ALDH7A1: variants seen among roughly 807,000 people sequenced by gnomAD.
ALDH7A1 encodes the protein aldehyde dehydrogenase 7 family member A1.
Under a neutral mutation model 79.9 loss-of-function variants are expected in ALDH7A1, and 63 were observed. That is an observed-to-expected ratio of 0.79 (90% CI 0.64 to 0.97). ALDH7A1 has a LOEUF of 0.97. Ranked by LOEUF, ALDH7A1 falls within the 50% of genes least tolerant of loss-of-function variation. The pLI, the probability that ALDH7A1 is intolerant of heterozygous loss-of-function variation, is 0.00. For missense variants in ALDH7A1, 627 were observed against 665.2 expected (o/e 0.94, Z 0.63); for synonymous variants, 240 against 231.2 (o/e 1.04, Z -0.34).
intron 11 of ALDH7A1, 123 bp from the exon 12 acceptor site, chr5:126,556,138 T>A (rs1750187937): frequency 3.8e-6 from 2 of 525,720 alleles, no homozygotes; most frequent in Non-Finnish European, 6.3e-6. Context: ...AATCAAAGCA[T>A]GTTTATTTTT....
At chr5:126,564,483 G>T in intron 9 of ALDH7A1, 1 of 1,196,056 alleles carries the variant, frequency 8.4e-7, no homozygotes, top group Non-Finnish European at 1.1e-6. Flanking sequence ...TTTGATCATC[G>T]ATTTCCTTAA....
intron 9 of ALDH7A1, chr5:126,567,787 C>CTT (rs562611077): frequency 1.0e-4 from 12 of 117,568 alleles, no homozygotes; most frequent in Non-Finnish European, 2.0e-4. Context: ...TTTTTTTTTT[C>CTT]TTTTTTTTTT....
intron 9 of ALDH7A1, chr5:126,568,033 T>C (rs922842588): frequency 2.5e-5 from 11 of 446,020 alleles, no homozygotes; most frequent in African/African-American, 1.8e-4. Flanking sequence ...TCCACCTGCC[T>C]TGGCCTCCCA....
intron 4 of ALDH7A1, 74 bp from the exon 5 acceptor site, chr5:126,583,048 G>T: frequency 6.4e-7 from 1 of 1,556,604 alleles, no homozygotes; most frequent in Non-Finnish European, 8.9e-7. Context: ...AAGAAAGGGG[G>T]AAGCAAAACA....
At chr5:126,594,952 C>A in intron 1 of ALDH7A1, 55 bp downstream of exon 1, 2 of 1,550,620 alleles carry the variant, frequency 1.3e-6, no homozygotes, top group Non-Finnish European at 1.7e-6. Flanking sequence ...AGTGCCCGCC[C>A]GGCCTCCTCG....
chr5:126,571,049 A>G, intron 7 of ALDH7A1, 190 bp from the exon 8 acceptor site: 1 of 605,700 alleles, frequency 1.7e-6, no homozygotes, highest in Non-Finnish European at 3.0e-6. Flanking sequence ...TCTAACATTA[A>G]GAACCCTCTT....
chr5:126,554,867 C>T (rs12513847), intron 12 of ALDH7A1: 117,769 of 235,124 alleles, frequency 0.5, 30,656 homozygotes, highest in East Asian at 0.72. Context: ...TCCTATGTTA[C>T]GGCTGCTGGG....
rs554152234 is a variant in ALDH7A1, at chr5:126,561,139, A to G, written c.872-15T>C. 1 of 1,592,798 alleles carries G rather than the reference A, an allele frequency of 6.3e-7. No individual in the cohort carries two copies. Among genetic ancestry groups the G allele is most frequent in the African/African-American group, 1.4e-5 (1 of 73,638 alleles). On this transcript the variant is annotated splice_polypyrimidine_tract_variant and intron_variant, in intron 9 of 17. Transcript: ENST00000409134. The stretch of plus-strand genomic sequence containing the variant: ...CAGACTTCTCCCTTAAAAGAAAAAA[A>G]TTATATATAAAAATTAATGCCTACT...
chr5:126,551,314 A>G (rs1481978966), intron 14 of ALDH7A1, among the ~76,000 whole-genome samples: 1 of 148,682 alleles, frequency 6.7e-6, no homozygotes, highest in Non-Finnish European at 1.5e-5. Flanking sequence ...GTTTATAACT[A>G]TAGGTCTTTT....
chr5:126,587,796 G>T (rs1161554802), intron 3 of ALDH7A1: 1 of 152,076 alleles, frequency 6.6e-6, no homozygotes, highest in Non-Finnish European at 1.5e-5. Context: ...CGAGAAGGGG[G>T]TCAAGCTTTG....
At chr5:126,571,716 G>A (rs896815812) in intron 7 of ALDH7A1, among the ~76,000 whole-genome samples, 4 of 151,812 alleles carry the variant, frequency 2.6e-5, no homozygotes, top group South Asian at 2.1e-4. Context: ...GACCTAGAAC[G>A]ATGAAGGAAA....
chr5:126,592,898 C>G (rs1751598223), intron 2 of ALDH7A1, among the ~76,000 whole-genome samples, 169 bp from the exon 3 acceptor site: 2 of 152,316 alleles, frequency 1.3e-5, no homozygotes, highest in South Asian at 4.1e-4. Context: ...TAGCTAGAAC[C>G]CGGTAAAACA....
intron 16 of ALDH7A1, among the ~76,000 whole-genome samples, chr5:126,546,853 C>A (rs1444958565): frequency 6.6e-6 from 1 of 151,990 alleles, no homozygotes; most frequent in East Asian, 1.9e-4. Context: ...GATAGAAATA[C>A]ATTAAGAAAA....
chr5:126,561,648 G>T (rs1750408859), intron 9 of ALDH7A1: 1 of 152,200 alleles, frequency 6.6e-6, no homozygotes, highest in African/African-American at 2.4e-5. Flanking sequence ...TATAATTTTG[G>T]TTTGAAATTA....
Position 126,554,296 on chromosome 5 carries a change from A to G in ALDH7A1, c.1191T>C (p.Tyr397=). The G allele has an allele frequency of 1.9e-6, 3 of 1,613,942 alleles. No homozygotes were observed. Among genetic ancestry groups the G allele is most frequent in the Non-Finnish European group, 2.5e-6 (3 of 1,179,930 alleles). The change falls in exon 13 of 18, where the codon TAT becomes TAC. Residue 397 remains tyrosine (Y), a synonymous_variant. Transcript: ENST00000409134. The part of the protein sequence containing the change: ...EAKKEGGTVV[Y]GGKVMDRPGN... ...TCAGAGCATCCCTTACCTTGCCCCC[A>G]TAGACCACTGTGCCACCTTCTTTCT...
chr5:126,553,242 T>C (rs1409148845), intron 13 of ALDH7A1: 2 of 152,238 alleles, frequency 1.3e-5, no homozygotes, highest in East Asian at 3.8e-4. Flanking sequence ...TTCTTCTATG[T>C]CCTTCCAGAA....
intron 16 of ALDH7A1, among the ~76,000 whole-genome samples, chr5:126,548,273 C>G (rs1040223729): frequency 2.0e-5 from 3 of 152,006 alleles, no homozygotes; most frequent in Admixed American, 2.0e-4. Flanking sequence ...CTCAGACTCA[C>G]GAGTAGCTGG....
rs70994880 is a variant in ALDH7A1 at position 126,578,638 on chromosome 5, CAAAAAAA to C, written c.518-1434_518-1428del. ...TGGACAACAGAGTAAGACCCTGTAT[CAAAAAAA>C]AAAAAAAAAAGAAAGAAAAGAAAAG... On this transcript the variant is annotated intron_variant, in intron 5 of 17. Coordinates refer to ENST00000409134, the MANE Select transcript of ALDH7A1 (RefSeq NM_001182.5). 5.5e-5 allele frequency among the ~76,000 whole-genome samples: 5 copies of C among 90,396 alleles called. No individual in the cohort carries two copies. In the East Asian group the frequency reaches 9.9e-4, roughly 18 times the overall value. 59.3% of individuals were successfully genotyped at this position (90,396 alleles called of 152,430 possible).
chr5:126,595,214 C>T lies in ALDH7A1; in HGVS notation c.-16G>A, dbSNP rs1751710075. 2 of 1,551,750 alleles carry T rather than the reference C, an allele frequency of 1.3e-6. No individual in the cohort carries two copies. The highest frequency in any genetic ancestry group is 2.4e-5 in the South Asian group (2 of 84,060). On this transcript the variant is annotated 5_prime_UTR_variant, in exon 1 of 18. Transcript: ENST00000409134. The stretch of plus-strand genomic sequence containing the variant: ...GGCGCCACATACTGAGCCCGGGACT[C>T]GGGATGAGCCCAAGGCCCTGAGAGC...
Sources: gnomAD v4.1 joint callset for allele counts (sites outside exome capture counted in the v4.1 genomes callset) on GRCh38, gnomAD v4.1.1 for gene constraint, MANE v1.5 for transcripts, NCBI Gene and HGNC (gene_info 2026-07-23, HGNC 2026-07-21) for gene names.